UACA: variants seen among roughly 807,000 people sequenced by gnomAD.
UACA encodes the protein uveal autoantigen with coiled-coil domains and ankyrin repeats, also known as nuclear membrane binding protein.
A neutral mutation model predicts 160.5 loss-of-function variants in UACA; 112 were observed. The observed-to-expected ratio is 0.70, with a 90% CI of 0.60 to 0.82. UACA has a LOEUF of 0.82. Among genes scored for constraint, UACA ranks in the 40% least tolerant of loss-of-function variants. The probability of loss-of-function intolerance (pLI) is 0.00; values close to 1 mark genes in which losing one functional copy is unlikely to be tolerated. For synonymous variants in UACA, 557 were observed against 568.4 expected (o/e 0.98, Z 0.29); for missense variants, 1,574 against 1,614.6 (o/e 0.97, Z 0.43).
intron 13 of UACA, among the ~76,000 whole-genome samples, chr15:70,673,983 A>C: frequency 6.6e-6 from 1 of 151,906 alleles, no homozygotes. Context: ...TTCCTCAGCC[A>C]CCCAAGTAGC....
chr15:70,738,655 T>C (rs1281540057), intron 1 of UACA, among the ~76,000 whole-genome samples: 1 of 152,150 alleles, frequency 6.6e-6, no homozygotes, highest in Admixed American at 6.5e-5. Flanking sequence ...TAAAATCTCA[T>C]CTCGGGATCT....
intron 9 of UACA, chr15:70,682,048 A>G (rs1028348339): frequency 7.2e-5 from 11 of 152,216 alleles, no homozygotes; most frequent in Non-Finnish European, 4.4e-5. Flanking sequence ...AACAGTCAGC[A>G]GGAGAGGAAA....
intron 2 of UACA, among the ~76,000 whole-genome samples, chr15:70,697,699 AT>A (rs569847230): frequency 2.8e-4 from 43 of 152,350 alleles, no homozygotes; most frequent in African/African-American, 9.9e-4. Flanking sequence ...TTAATTAAGA[AT>A]ACAGTTTGTG....
chr15:70,778,480 C>A, the UACA span, among the ~76,000 whole-genome samples: 1 of 152,206 alleles, frequency 6.6e-6, no homozygotes, highest in Admixed American at 6.5e-5. Flanking sequence ...AAATCAGCAT[C>A]CTTCCAACTC....
intron 1 of UACA, among the ~76,000 whole-genome samples, chr15:70,739,550 T>C (rs531578093): frequency 6.6e-6 from 1 of 152,312 alleles, no homozygotes; most frequent in East Asian, 1.9e-4. Context: ...AAAAGGCTGT[T>C]AAAATGATTC....
chr15:70,693,160 C>T lies in UACA; in HGVS notation c.302-1797G>A, dbSNP rs1034410529. ...ATGGAGTGGAGATGGTAGGGTTAGG[C>T]ACAGTGGCAACAGTACCTGGTGTTC... On this transcript the variant is annotated intron_variant, in intron 3 of 18. Transcript: ENST00000322954. Among the ~76,000 whole-genome samples, 5 of 152,302 alleles carry T rather than the reference C, an allele frequency of 3.3e-5. No individual in the cohort carries two copies. In the East Asian group the frequency reaches 9.6e-4, roughly 29 times the overall value.
intron 2 of UACA, among the ~76,000 whole-genome samples, chr15:70,698,798 T>G (rs1898223526): frequency 6.6e-6 from 1 of 152,100 alleles, no homozygotes; most frequent in Non-Finnish European, 1.5e-5. Flanking sequence ...GCTATAAGTA[T>G]AGAGGGTCAT....
At chr15:70,771,939 G>T in the UACA span, among the ~76,000 whole-genome samples, 1 of 152,202 alleles carries the variant, frequency 6.6e-6, no homozygotes, top group Non-Finnish European at 1.5e-5. Context: ...GGAGAGACAG[G>T]CTGGGGCCAG....
intron 5 of UACA, among the ~76,000 whole-genome samples, chr15:70,689,321 T>C (rs889769459): frequency 6.6e-6 from 1 of 152,166 alleles, no homozygotes; most frequent in Non-Finnish European, 1.5e-5. Flanking sequence ...AGCAACTTAG[T>C]TTCCATCCTA....
chr15:70,703,239 A>G (rs1378036012), intron 1 of UACA: 1 of 1,288,480 alleles, frequency 7.8e-7, no homozygotes, highest in Admixed American at 2.3e-5. Context: ...AATAATTTAC[A>G]CTTCCTCTAA....
At chr15:70,675,808 G>A (rs1486393295) in intron 13 of UACA, among the ~76,000 whole-genome samples, 2 of 152,140 alleles carry the variant, frequency 1.3e-5, no homozygotes, top group East Asian at 1.9e-4. Flanking sequence ...ATTAAGAGGT[G>A]GGGCCTTTTG....
chr15:70,770,197 T>G, the UACA span, among the ~76,000 whole-genome samples: 1 of 152,220 alleles, frequency 6.6e-6, no homozygotes, highest in South Asian at 2.1e-4. Context: ...ACTACTTGAA[T>G]CAATGTTTGT....
At chr15:70,756,654 C>T (rs1186673199) in intron 1 of UACA, among the ~76,000 whole-genome samples, 1 of 152,284 alleles carries the variant, frequency 6.6e-6, no homozygotes, top group East Asian at 1.9e-4. Context: ...AGGTGGATCA[C>T]CTGAGGTCAG....
chr15:70,768,108 G>A (rs2031059678), upstream of UACA: 1 of 152,216 alleles, frequency 6.6e-6, no homozygotes, highest in African/African-American at 2.4e-5. Context: ...GATGGTGTCT[G>A]CTCCGCATAA....
At chr15:70,703,055 T>TA (rs1566984033) in intron 1 of UACA, 6 of 1,270,878 alleles carry the variant, frequency 4.7e-6, no homozygotes, top group Admixed American at 4.7e-5. Context: ...GCTAGACTAT[T>TA]AAAAAAATCT....
At chr15:70,661,462 C>T (rs1275412538) in intron 17 of UACA, 1 of 152,150 alleles carries the variant, frequency 6.6e-6, no homozygotes, top group South Asian at 2.1e-4. Context: ...GGACACTATA[C>T]TCTTTGGATA....
intron 17 of UACA, among the ~76,000 whole-genome samples, chr15:70,663,909 A>G: frequency 6.6e-6 from 1 of 151,782 alleles, no homozygotes; most frequent in South Asian, 2.1e-4. Context: ...TAGGTGATAT[A>G]TCTAATGTTA....
At chr15:70,727,690 A>C (rs1236231135) in intron 1 of UACA, among the ~76,000 whole-genome samples, 3 of 152,252 alleles carry the variant, frequency 2.0e-5, no homozygotes, top group Admixed American at 6.5e-5. Context: ...AAAACTAAAA[A>C]CACCAAATAA....
rs747173244 is a variant in UACA at position 70,687,513 on chromosome 15, A to G, written c.602+27T>C. ...TTCCATCCCTGTGTATCCAGCTGGT[A>G]TCTGGGAGCCATGATAAAAGAATTA... On this transcript the variant is annotated intron_variant, in intron 7 of 18. Transcript: ENST00000322954. 5 of 1,605,788 alleles carry G rather than the reference A, an allele frequency of 3.1e-6. No individual in the cohort carries two copies. In the South Asian group the frequency reaches 5.5e-5, roughly 18 times the overall value.
Sources: allele counts gnomAD v4.1 joint callset (sites outside exome capture counted in the v4.1 genomes callset), GRCh38; gene constraint gnomAD v4.1.1; transcripts MANE v1.5; gene names NCBI Gene and HGNC (gene_info 2026-07-23, HGNC 2026-07-21).